CFAP20DC: variants seen among roughly 807,000 people sequenced by gnomAD.
CFAP20DC encodes CFAP20 domain containing.
Under a neutral mutation model 101.7 loss-of-function variants are expected in CFAP20DC, and 84 were observed. The ratio of observed to expected loss-of-function variants is 0.83; its 90% confidence interval spans 0.69 to 0.99. The LOEUF is 0.99. CFAP20DC is among the 50% of genes least tolerant of loss of function. The pLI, the probability that CFAP20DC is intolerant of heterozygous loss-of-function variation, is 0.00. For missense variants in CFAP20DC, 1,007 were observed against 970.3 expected, an observed-to-expected ratio of 1.04 and a Z score of -0.50; for synonymous variants, 359 against 351.2, an observed-to-expected ratio of 1.02 and a Z score of -0.25.
rs988225883 is a variant in CFAP20DC, at chr3:58,943,945, G to A, written c.279-6183C>T. On this transcript the variant is annotated intron_variant, in intron 4 of 16. Coordinates refer to ENST00000482387, the MANE Select transcript of CFAP20DC (RefSeq NM_001394063.1). ...GAAGCATACGCAAGTATCAATAGCC[G>A]AATCAATCAAGCGGAAGAAAGGATA... 3.3e-5 allele frequency among the ~76,000 whole-genome samples: 5 copies of A among 151,900 alleles called. No homozygotes were observed. The East Asian group carries it at 5.8e-4, about 18-fold the overall frequency.
chr3:58,783,949 T>C (rs2072080890), intron 15 of CFAP20DC, among the ~76,000 whole-genome samples: 1 of 152,126 alleles, frequency 6.6e-6, no homozygotes, highest in Non-Finnish European at 1.5e-5. Flanking sequence ...AATGATCCCA[T>C]TATGCAGGTA....
chr3:58,869,638 T>C lies in CFAP20DC; in HGVS notation c.853-148A>G. ...GTTAAGATGTGAAGAAAAAGGAAAT[T>C]ATTATAGGAAATTAGAAATGGAAGG... On this transcript the variant is annotated intron_variant, in intron 8 of 16. Transcript: ENST00000482387. The surrounding 1 kb of genome is among the most constrained non-coding windows in gnomAD (Gnocchi z 4.3). 1.9e-6 allele frequency: 1 copy of C among 536,304 alleles called. No individual in the cohort carries two copies. Among genetic ancestry groups the C allele is most frequent in the Non-Finnish European group, 3.1e-6 (1 of 327,600 alleles). 33.2% of individuals were successfully genotyped at this position (536,304 alleles called of 1,614,324 possible).
chr3:58,758,751 T>C (rs1454408501), intron 15 of CFAP20DC, among the ~76,000 whole-genome samples: 2 of 152,128 alleles, frequency 1.3e-5, no homozygotes, highest in East Asian at 1.9e-4. Flanking sequence ...TGTGTTCTCA[T>C]TGTTCAATTC....
intron 4 of CFAP20DC, among the ~76,000 whole-genome samples, chr3:58,997,793 T>C (rs2093181748): frequency 6.6e-6 from 1 of 152,212 alleles, no homozygotes; most frequent in Non-Finnish European, 1.5e-5. Context: ...CTACCATTTG[T>C]ACACTAATGA....
At chr3:58,953,983 G>A in intron 4 of CFAP20DC, among the ~76,000 whole-genome samples, 1 of 152,176 alleles carries the variant, frequency 6.6e-6, no homozygotes, top group East Asian at 1.9e-4. Flanking sequence ...ATGAGACTAT[G>A]TTGAGAGAAA....
chr3:58,813,266 C>T (rs967330388), intron 14 of CFAP20DC, among the ~76,000 whole-genome samples: 1 of 151,886 alleles, frequency 6.6e-6, no homozygotes, highest in Non-Finnish European at 1.5e-5. Context: ...TCTCATGTAG[C>T]CCTAAACACT....
intron 14 of CFAP20DC, among the ~76,000 whole-genome samples, chr3:58,822,987 A>T (rs969536322): frequency 1.3e-5 from 2 of 152,080 alleles, no homozygotes; most frequent in South Asian, 4.1e-4. Context: ...ATCTGAACAA[A>T]AGCCTTGCTG....
intron 13 of CFAP20DC, among the ~76,000 whole-genome samples, chr3:58,841,957 T>C (rs866940269): frequency 2.0e-5 from 3 of 152,230 alleles, no homozygotes. Context: ...CAGTTATACG[T>C]GCGAAAAAGT....
rs2082478015 is a variant in CFAP20DC at position 58,894,107 on chromosome 3, C to T, written c.551-9398G>A. 6.6e-6 allele frequency among the ~76,000 whole-genome samples: 1 copy of T among 152,176 alleles called. No homozygotes were observed. The highest frequency in any genetic ancestry group is 1.5e-5 in the Non-Finnish European group (1 of 68,034). On this transcript the variant is annotated intron_variant, in intron 6 of 16. Transcript: ENST00000482387. This position sits in a 1 kb window ranked among gnomAD's most constrained non-coding sequence, Gnocchi z 4.1. The stretch of plus-strand genomic sequence containing the variant: ...ACCTCCTACTGAGTCCCTCCCACAA[C>T]ACGTGGGAATTCAAGATGAGACTTG...
chr3:58,931,654 A>AAATAGGGTCTG (rs544596364), intron 5 of CFAP20DC, among the ~76,000 whole-genome samples: 1 of 152,170 alleles, frequency 6.6e-6, no homozygotes, highest in Non-Finnish European at 1.5e-5. Context: ...GCGGATACCC[A>AAATAGGGTCTG]GGCAAATAGG....
Position 59,007,458 on chromosome 3 carries a change from G to A in CFAP20DC, c.278+32099C>T, listed in dbSNP as rs2093464161. On this transcript the variant is annotated intron_variant, in intron 4 of 16. Coordinates refer to ENST00000482387, the MANE Select transcript of CFAP20DC (RefSeq NM_001394063.1). The surrounding 1 kb of genome is among the most constrained non-coding windows in gnomAD (Gnocchi z 4.4). ...CAAGCCATTACAGCAACTCATGACA[G>A]AATAATCTGGCTCCCAGCAAGGAGA... Among the ~76,000 whole-genome samples the A allele has an allele frequency of 6.6e-6, 1 of 152,194 alleles. No individual in the cohort carries two copies. The highest frequency in any genetic ancestry group is 1.5e-5 in the Non-Finnish European group (1 of 68,028).
chr3:59,024,798 C>T (rs1287910557), intron 4 of CFAP20DC, among the ~76,000 whole-genome samples: 2 of 151,998 alleles, frequency 1.3e-5, no homozygotes, highest in Non-Finnish European at 2.9e-5. Flanking sequence ...TACCAGAATA[C>T]AAATGAAATA....
downstream of CFAP20DC, among the ~76,000 whole-genome samples, chr3:58,741,173 A>G (rs540714869): frequency 9.8e-5 from 15 of 152,300 alleles, no homozygotes; most frequent in African/African-American, 3.6e-4. Flanking sequence ...ACTCTTCTTT[A>G]TTAAAAAATC....
At chr3:59,025,631 A>G (rs1273811141) in intron 4 of CFAP20DC, among the ~76,000 whole-genome samples, 1 of 152,132 alleles carries the variant, frequency 6.6e-6, no homozygotes, top group Admixed American at 6.5e-5. Context: ...AAAGGTGTTC[A>G]GAAACTTGTC....
Position 58,729,816 on chromosome 3 carries a change from C to T in CFAP20DC, c.198-12188G>A, listed in dbSNP as rs868304751. Among the ~76,000 whole-genome samples the T allele has an allele frequency of 1.3e-5, 2 of 151,772 alleles. No individual in the cohort carries two copies. The highest frequency in any genetic ancestry group is 1.5e-5 in the Non-Finnish European group (1 of 67,954). ...GGTGAATTGCCTGAGGTCAGGAGTTCGAGACCAGCGTGACCAACACGGAGA... is the reference window on the plus strand; with the variant it reads ...GGTGAATTGCCTGAGGTCAGGAGTTTGAGACCAGCGTGACCAACACGGAGA... On this transcript the variant is annotated intron_variant, in intron 3 of 3. Coordinates refer to the CFAP20DC transcript ENST00000486145. The surrounding 1 kb of genome is among the most constrained non-coding windows in gnomAD (Gnocchi z 4.4).
At chr3:58,951,953 T>C (rs2090163005) in intron 4 of CFAP20DC, among the ~76,000 whole-genome samples, 1 of 152,324 alleles carries the variant, frequency 6.6e-6, no homozygotes, top group East Asian at 1.9e-4. Context: ...AAGCTCACTT[T>C]AGAGTTTAGA....
intron 14 of CFAP20DC, among the ~76,000 whole-genome samples, chr3:58,816,314 T>C (rs1234969675): frequency 3.9e-5 from 6 of 152,176 alleles, no homozygotes; most frequent in East Asian, 3.9e-4. Context: ...GGAACAGCTC[T>C]GGTCTACAGC....
At chr3:58,938,032 G>T (rs1361447445) in intron 4 of CFAP20DC, among the ~76,000 whole-genome samples, 3 of 152,120 alleles carry the variant, frequency 2.0e-5, no homozygotes, top group Non-Finnish European at 4.4e-5. Context: ...TCCAGCCTAT[G>T]AAAGAATTCA....
chr3:58,811,432 C>A (rs1316891876), intron 14 of CFAP20DC, among the ~76,000 whole-genome samples: 6 of 152,046 alleles, frequency 3.9e-5, no homozygotes, highest in African/African-American at 1.2e-4. Context: ...TTTGACAAAC[C>A]TGAGAAAAAC....
Sources: allele counts gnomAD v4.1 joint callset (sites outside exome capture counted in the v4.1 genomes callset), GRCh38; gene constraint gnomAD v4.1.1; non-coding constraint Gnocchi (gnomAD v3.1); transcripts MANE v1.5; gene names NCBI Gene and HGNC (gene_info 2026-07-23, HGNC 2026-07-21).